Variants in CTNNA3 observed in about 807,000 individuals in gnomAD.
The protein encoded by CTNNA3 is catenin alpha 3.
A neutral mutation model predicts 95.7 loss-of-function variants in CTNNA3; 76 were observed. That is an observed-to-expected ratio of 0.79 (90% CI 0.66 to 0.96). CTNNA3 has a LOEUF of 0.96. CTNNA3 is among the 40% of genes least tolerant of loss of function. The pLI is 0.00. For synonymous variants in CTNNA3, 431 were observed against 374.4 expected (o/e 1.15, Z -1.74); for missense variants, 1,191 against 1,089.8 (o/e 1.09, Z -1.31).
At chr10:67,006,688 A>G (rs1003249596) in intron 7 of CTNNA3, among the ~76,000 whole-genome samples, 5 of 152,242 alleles carry the variant, frequency 3.3e-5, no homozygotes, top group African/African-American at 9.6e-5. Context: ...TCAGCACACT[A>G]TAAGATGTAA....
At position 67,205,273 on chromosome 10, in the gene CTNNA3, A is replaced by AT. The variant is rs1214769046; in HGVS notation, c.843+14333dup. On this transcript the variant is annotated intron_variant, in intron 6 of 17. Transcript: ENST00000433211. Reference sequence around the variant, plus strand: ...TTATGTCATAATTTTCTCATGTTTTATTTTTTGCAAAGTCGGTTTCAGTCC... The same window carrying AT: ...TTATGTCATAATTTTCTCATGTTTTATTTTTTTGCAAAGTCGGTTTCAGTCC... Among the ~76,000 whole-genome samples the AT allele has an allele frequency of 9.9e-5, 15 of 152,118 alleles. No homozygotes were observed. In the East Asian group the frequency reaches 2.9e-3, roughly 29 times the overall value.
At chr10:67,576,191 T>C (rs1422465790) in intron 3 of CTNNA3, among the ~76,000 whole-genome samples, 1 of 152,192 alleles carries the variant, frequency 6.6e-6, no homozygotes, top group Non-Finnish European at 1.5e-5. Context: ...GGCTTAGTTA[T>C]TTAAAAGCAT....
intron 6 of CTNNA3, among the ~76,000 whole-genome samples, chr10:67,205,559 A>C (rs2132224326): frequency 6.6e-6 from 1 of 152,288 alleles, no homozygotes; most frequent in South Asian, 2.1e-4. Flanking sequence ...CTTTCCATAA[A>C]GACTTCCCTG....
intron 16 of CTNNA3, among the ~76,000 whole-genome samples, chr10:65,982,599 C>T (rs945377732): frequency 1.3e-5 from 2 of 149,378 alleles, no homozygotes; most frequent in African/African-American, 4.9e-5. Flanking sequence ...TGGAATCAGC[C>T]CAAATGCCCA....
chr10:66,859,114 G>T (rs570352995), intron 7 of CTNNA3, among the ~76,000 whole-genome samples: 6 of 152,172 alleles, frequency 3.9e-5, no homozygotes, highest in African/African-American at 1.4e-4. Context: ...GTATTCAAAT[G>T]TATAATAGGG....
intron 7 of CTNNA3, among the ~76,000 whole-genome samples, chr10:66,971,426 CA>C (rs35802902): frequency 0.9 from 136,268 of 150,632 alleles, 62,784 homozygotes; most frequent in East Asian, 1. Context: ...GACTCCGTCT[CA>C]AAAAAAAAAA....
chr10:66,059,817 A>G (rs1229992104), intron 15 of CTNNA3, among the ~76,000 whole-genome samples: 1 of 152,146 alleles, frequency 6.6e-6, no homozygotes, highest in Non-Finnish European at 1.5e-5. Context: ...ATCTTGAAAT[A>G]TACAATTTCA....
intron 9 of CTNNA3, among the ~76,000 whole-genome samples, chr10:66,749,202 CAAAAAAAA>C (rs35568730): frequency 4.1e-4 from 21 of 50,884 alleles, no homozygotes; most frequent in East Asian, 1.6e-3. Flanking sequence ...AACTCCAACT[CAAAAAAAA>C]AAAAAAAAAA....
rs1215300467 is a variant in CTNNA3, at chr10:66,309,950, T to TA, written c.1733-29330dup. 3.7e-4 allele frequency among the ~76,000 whole-genome samples: 39 copies of TA among 105,046 alleles called. 1 individual carries two copies. The highest frequency in any genetic ancestry group is 1.2e-3 in the African/African-American group (30 of 24,912). 68.9% of individuals were successfully genotyped at this position (105,046 alleles called of 152,430 possible). The stretch of plus-strand genomic sequence containing the variant: ...ATAAATAAATAAATAAATAAATAAA[T>TA]AAATAAAATAAAAATAAAAATAAAT... On this transcript the variant is annotated intron_variant, in intron 12 of 17. Coordinates refer to ENST00000433211, the MANE Select transcript of CTNNA3 (RefSeq NM_013266.4).
At position 66,883,186 on chromosome 10, in the gene CTNNA3, C is replaced by A. The variant is rs147837623; in HGVS notation, c.1048-107662G>T. On this transcript the variant is annotated intron_variant, in intron 7 of 17. Coordinates refer to ENST00000433211, the MANE Select transcript of CTNNA3 (RefSeq NM_013266.4). ...TATATGTATGAGAAAAGATGACTTACAAAGCTTGGAAAGTTTGCCTAAGGC... is the reference window on the plus strand; with the variant it reads ...TATATGTATGAGAAAAGATGACTTAAAAAGCTTGGAAAGTTTGCCTAAGGC... Among the ~76,000 whole-genome samples the A allele has an allele frequency of 4.4e-3, 669 of 152,232 alleles. 4 individuals carry two copies. The highest frequency in any genetic ancestry group is 0.015 in the African/African-American group (643 of 41,542).
At chr10:65,963,215 A>G (rs1165472336) in intron 17 of CTNNA3, among the ~76,000 whole-genome samples, 1 of 152,162 alleles carries the variant, frequency 6.6e-6, no homozygotes, top group Non-Finnish European at 1.5e-5. Flanking sequence ...TCCTTTCAAA[A>G]CATTCCCAGT....
intron 7 of CTNNA3, among the ~76,000 whole-genome samples, chr10:66,869,299 A>G (rs904319750): frequency 2.0e-5 from 3 of 152,210 alleles, no homozygotes; most frequent in Admixed American, 1.3e-4. Flanking sequence ...TTAATTTAAA[A>G]GAACAATCAG....
At chr10:67,011,025 T>C (rs1374176753) in intron 7 of CTNNA3, among the ~76,000 whole-genome samples, 1 of 152,096 alleles carries the variant, frequency 6.6e-6, no homozygotes, top group Non-Finnish European at 1.5e-5. Flanking sequence ...AAATTAAGAT[T>C]ATTTGTCAAC....
chr10:66,492,296 T>C lies in CTNNA3; in HGVS notation c.1531+28321A>G, dbSNP rs140529182. On this transcript the variant is annotated intron_variant, in intron 11 of 17. Transcript: ENST00000433211. ...TCATCTTCTTTATGCTTTTTGTTTT[T>C]GTTTTGAGACAATGTCTCACTCTGT... 1.4e-4 allele frequency among the ~76,000 whole-genome samples: 21 copies of C among 152,306 alleles called. 1 individual carries two copies. The highest frequency in any genetic ancestry group is 4.6e-4 in the African/African-American group (19 of 41,568).
chr10:67,592,362 G>T (rs552005142), intron 3 of CTNNA3, among the ~76,000 whole-genome samples: 1 of 152,176 alleles, frequency 6.6e-6, no homozygotes, highest in Admixed American at 6.6e-5. Context: ...TCCTCACCAA[G>T]CTGGGGGCAG....
chr10:67,441,068 A>G (rs1013829930), intron 5 of CTNNA3, among the ~76,000 whole-genome samples: 1 of 152,182 alleles, frequency 6.6e-6, no homozygotes, highest in South Asian at 2.1e-4. Flanking sequence ...TGGAGAAGGA[A>G]TTCAGAATTC....
At chr10:66,987,608 G>A (rs1850806250) in intron 7 of CTNNA3, among the ~76,000 whole-genome samples, 1 of 152,098 alleles carries the variant, frequency 6.6e-6, no homozygotes, top group Admixed American at 6.6e-5. Context: ...TCATTCCCAA[G>A]AATCATTGAG....
chr10:66,141,699 T>C (rs2083628975), intron 13 of CTNNA3, among the ~76,000 whole-genome samples: 2 of 152,166 alleles, frequency 1.3e-5, no homozygotes, highest in African/African-American at 4.8e-5. Flanking sequence ...CGATAAATAA[T>C]TTATTCATCT....
intron 7 of CTNNA3, among the ~76,000 whole-genome samples, chr10:66,932,510 T>C (rs908626426): frequency 2.0e-5 from 3 of 152,158 alleles, no homozygotes; most frequent in South Asian, 2.1e-4. Context: ...TCCAGATCTG[T>C]AGCTAACCCA....
Sources: allele counts gnomAD v4.1 joint callset (sites outside exome capture counted in the v4.1 genomes callset), GRCh38; gene constraint gnomAD v4.1.1; transcripts MANE v1.5; gene names NCBI Gene and HGNC (gene_info 2026-07-23, HGNC 2026-07-21).